GABRG3: variants seen among roughly 807,000 people sequenced by gnomAD.
The protein encoded by GABRG3 is gamma-aminobutyric acid type A receptor subunit gamma3.
A neutral mutation model predicts 48.8 loss-of-function variants in GABRG3; 25 were observed. The ratio of observed to expected loss-of-function variants is 0.51; its 90% confidence interval spans 0.37 to 0.72. GABRG3 has a LOEUF of 0.72. GABRG3 is among the 30% of genes least tolerant of loss of function. The pLI is 0.00. For synonymous variants in GABRG3, 227 were observed against 217.6 expected (o/e 1.04, Z -0.38); for missense variants, 394 against 577.9 (o/e 0.68, Z 3.26).
At chr15:27,209,884 G>C (rs150343052) in intron 3 of GABRG3, among the ~76,000 whole-genome samples, 1 of 152,304 alleles carries the variant, frequency 6.6e-6, no homozygotes, top group East Asian at 1.9e-4. Context: ...CCTTCCTGCT[G>C]TGTCCTCACA....
At position 27,527,975 on chromosome 15, in the gene GABRG3, A is replaced by G; in HGVS notation, c.1105A>G (p.Ser369Gly). 1 of 1,598,248 alleles carries G rather than the reference A, an allele frequency of 6.3e-7. No homozygotes were observed. Among genetic ancestry groups the G allele is most frequent in the Admixed American group, 1.7e-5 (1 of 58,008 alleles). The stretch of plus-strand genomic sequence containing the variant: ...CTCAAGATGGATTCCTGAGCGAATA[A>G]GCCTACAAGCCCCTTCCGTACGTAT... ...DSSRWIPERI[S>G]LQAPSNYSLL... Residue 369 changes from serine (S) to glycine (G), a missense_variant, in exon 9 of 10, where the codon AGC becomes GGC. Around this residue, in one of 3 missense-constraint regions of GABRG3, gnomAD observed 126 missense variants for 155.5 expected, o/e 0.81. Coordinates refer to ENST00000615808, the MANE Select transcript of GABRG3 (RefSeq NM_033223.5).
chr15:27,381,373 T>C (rs1447254025), intron 5 of GABRG3, among the ~76,000 whole-genome samples: 1 of 152,224 alleles, frequency 6.6e-6, no homozygotes, highest in Non-Finnish European at 1.5e-5. Context: ...CTCTGATCTT[T>C]ACTGTGAGAA....
At chr15:27,128,988 ATAATT>A (rs1226660899) in intron 3 of GABRG3, among the ~76,000 whole-genome samples, 3 of 152,236 alleles carry the variant, frequency 2.0e-5, no homozygotes, top group African/African-American at 4.8e-5. Context: ...AAAACTAAAA[ATAATT>A]TAAGTCAATA....
At chr15:27,462,762 C>T (rs1172059716) in intron 5 of GABRG3, among the ~76,000 whole-genome samples, 1 of 152,230 alleles carries the variant, frequency 6.6e-6, no homozygotes, top group African/African-American at 2.4e-5. Flanking sequence ...CTGCTTAATT[C>T]GGCATTTATC....
At chr15:27,350,547 T>A (rs932870605) in intron 5 of GABRG3, among the ~76,000 whole-genome samples, 1 of 152,202 alleles carries the variant, frequency 6.6e-6, no homozygotes, top group African/African-American at 2.4e-5. Context: ...GGAGAGCAGT[T>A]ACCCACAGAT....
chr15:27,012,644 A>G (rs1895710595), intron 2 of GABRG3, among the ~76,000 whole-genome samples: 1 of 152,186 alleles, frequency 6.6e-6, no homozygotes, highest in South Asian at 2.1e-4. Flanking sequence ...TATCCAAGGT[A>G]GACTCTTCTT....
intron 3 of GABRG3, among the ~76,000 whole-genome samples, chr15:27,173,447 G>C (rs1887637722): frequency 2.0e-5 from 3 of 152,170 alleles, no homozygotes; most frequent in Non-Finnish European, 4.4e-5. Flanking sequence ...TTGAGAAAGA[G>C]AGAGAGATTC....
At chr15:27,393,833 T>C (rs1376498435) in intron 5 of GABRG3, among the ~76,000 whole-genome samples, 2 of 152,196 alleles carry the variant, frequency 1.3e-5, no homozygotes, top group African/African-American at 2.4e-5. Context: ...GCAGCCCCGC[T>C]GATACCTTGA....
chr15:27,329,213 T>C (rs1414451190), intron 5 of GABRG3, among the ~76,000 whole-genome samples: 1 of 152,250 alleles, frequency 6.6e-6, no homozygotes, highest in African/African-American at 2.4e-5. Context: ...ACAAAATTCC[T>C]ATGTAATATT....
intron 3 of GABRG3, among the ~76,000 whole-genome samples, chr15:27,155,020 A>T (rs527506350): frequency 6.6e-6 from 1 of 151,964 alleles, no homozygotes; most frequent in Admixed American, 6.5e-5. Flanking sequence ...CTTCCATGAC[A>T]CAAATACTAG....
At chr15:27,207,640 T>C (rs1170937350) in intron 3 of GABRG3, among the ~76,000 whole-genome samples, 1 of 152,172 alleles carries the variant, frequency 6.6e-6, no homozygotes, top group Non-Finnish European at 1.5e-5. Flanking sequence ...ACGTGGAAAC[T>C]GTGGGGGACA....
chr15:27,343,165 C>T lies in GABRG3; in HGVS notation c.574+14277C>T, dbSNP rs138258536. On this transcript the variant is annotated intron_variant, in intron 5 of 9. Transcript: ENST00000615808. ...ATCTGACCATTCACAGTTGGAAACA[C>T]GAAGGGGAGGGAGGAAGGGGGACTG... Among the ~76,000 whole-genome samples the T allele has an allele frequency of 2.8e-3, 427 of 152,168 alleles. 5 individuals carry two copies. Among genetic ancestry groups the T allele is most frequent in the Non-Finnish European group, 3.9e-3 (263 of 68,010 alleles).
chr15:27,179,945 G>A lies in GABRG3; in HGVS notation c.271-146864G>A, dbSNP rs1008242122. Among the ~76,000 whole-genome samples the A allele has an allele frequency of 6.6e-6, 1 of 152,172 alleles. No homozygotes were observed. The highest frequency in any genetic ancestry group is 1.5e-5 in the Non-Finnish European group (1 of 68,032). On this transcript the variant is annotated intron_variant, in intron 3 of 9. Transcript: ENST00000615808. The surrounding 1 kb of genome is among the most constrained non-coding windows in gnomAD (Gnocchi z 4.0). Reference sequence around the variant, plus strand: ...TCACAGTTCATCGCCTCCTAGATGAGGCTGGGCGTGGCTCTGAAGAGCTGC... The same window carrying A: ...TCACAGTTCATCGCCTCCTAGATGAAGCTGGGCGTGGCTCTGAAGAGCTGC...
chr15:27,075,476 A>T (rs1452984587), intron 3 of GABRG3, among the ~76,000 whole-genome samples: 1 of 152,224 alleles, frequency 6.6e-6, no homozygotes, highest in African/African-American at 2.4e-5. Flanking sequence ...TATAAAATTT[A>T]TCCTCAATCT....
At chr15:27,354,495 T>C (rs1180567633) in intron 5 of GABRG3, among the ~76,000 whole-genome samples, 1 of 152,174 alleles carries the variant, frequency 6.6e-6, no homozygotes, top group Non-Finnish European at 1.5e-5. Context: ...ACAGTCCAAG[T>C]CCCCGTGTGG....
At chr15:27,248,651 G>T (rs1890338631) in intron 3 of GABRG3, among the ~76,000 whole-genome samples, 1 of 151,944 alleles carries the variant, frequency 6.6e-6, no homozygotes, top group Non-Finnish European at 1.5e-5. Context: ...CTAGCATGTG[G>T]GTCTTGTCAC....
intron 2 of GABRG3, among the ~76,000 whole-genome samples, chr15:27,000,327 T>C (rs1895419822): frequency 6.6e-6 from 1 of 152,206 alleles, no homozygotes; most frequent in South Asian, 2.1e-4. Flanking sequence ...CTTTGAATCT[T>C]GTGGTTTAGG....
intron 3 of GABRG3, among the ~76,000 whole-genome samples, chr15:27,272,378 T>C (rs1006354491): frequency 6.6e-6 from 1 of 152,178 alleles, no homozygotes; most frequent in South Asian, 2.1e-4. Flanking sequence ...TGTGTCATAT[T>C]GCTAAGTGAC....
chr15:27,372,596 T>C (rs1270452390), intron 5 of GABRG3, among the ~76,000 whole-genome samples: 1 of 152,138 alleles, frequency 6.6e-6, no homozygotes, highest in Non-Finnish European at 1.5e-5. Flanking sequence ...CTCGTTTTGC[T>C]GCCCAAGCTG....
Sources: allele counts gnomAD v4.1 joint callset (sites outside exome capture counted in the v4.1 genomes callset), GRCh38; gene constraint gnomAD v4.1.1; regional missense constraint gnomAD v4.1.1; non-coding constraint Gnocchi (gnomAD v3.1); transcripts MANE v1.5; gene names NCBI Gene and HGNC (gene_info 2026-07-23, HGNC 2026-07-21).